Variants in ABCB4 observed in about 807,000 individuals in gnomAD.
The protein encoded by ABCB4 is phosphatidylcholine translocator ABCB4.
In ABCB4, 76 loss-of-function variants were observed where a neutral mutation model predicts 145.7. The ratio of observed to expected loss-of-function variants is 0.52; its 90% CI spans 0.43 to 0.63. The LOEUF (loss-of-function observed/expected upper bound fraction) is 0.63. Ranked by LOEUF, ABCB4 falls within the 30% of genes least tolerant of loss-of-function variation. The pLI is 0.00. For synonymous variants in ABCB4, 517 were observed against 566.8 expected (o/e 0.91, Z 1.25); for missense variants, 1,234 against 1,553.1 (o/e 0.79, Z 3.45).
At chr7:87,402,333 CA>C in intron 27 of ABCB4, 31 bp from the exon 28 acceptor site, 1 of 1,612,228 alleles carries the variant, frequency 6.2e-7, no homozygotes. Context: ...CACCTTATCC[CA>C]AAAATTGTAT....
chr7:87,424,153 A>G (rs1809649283), intron 16 of ABCB4, 101 bp from the exon 17 acceptor site: 12 of 1,420,226 alleles, frequency 8.4e-6, no homozygotes, highest in Non-Finnish European at 1.2e-5. Context: ...GGGACTCGCA[A>G]ACTAGGTGCA....
Position 87,465,876 on chromosome 7 carries a change from C to T in ABCB4, c.136-2968G>A, listed in dbSNP as rs184348125. 4.1e-3 allele frequency among the ~76,000 whole-genome samples: 625 copies of T among 152,240 alleles called. 3 individuals carry two copies. The highest frequency in any genetic ancestry group is 0.014 in the African/African-American group (593 of 41,540). ...AAGGAAAACTAACAAACAGAAAGGA[C>T]ATCCACGCCAAAACCCATCTGTACG... is the stretch of plus-strand genomic sequence containing the variant. On this transcript the variant is annotated intron_variant, in intron 3 of 27. Transcript: ENST00000649586.
chr7:87,452,796 G>T, intron 6 of ABCB4, 148 bp downstream of exon 6: 1 of 919,946 alleles, frequency 1.1e-6, no homozygotes, highest in Non-Finnish European at 1.7e-6. Flanking sequence ...GGCTATAGAT[G>T]CTGCTAGACA....
the ABCB4 span, chr7:87,392,484 C>T: frequency 1.9e-6 from 2 of 1,045,478 alleles, no homozygotes; most frequent in Non-Finnish European, 1.5e-6. Flanking sequence ...TACCCCAATC[C>T]TAATTACAAT....
intron 3 of ABCB4, among the ~76,000 whole-genome samples, chr7:87,471,339 A>C (rs1407423818): frequency 6.6e-6 from 1 of 152,322 alleles, no homozygotes; most frequent in African/African-American, 2.4e-5. Flanking sequence ...CGTTATGCAC[A>C]TGTACCCTAG....
At chr7:87,421,623 C>T (rs1809444839) in intron 18 of ABCB4, among the ~76,000 whole-genome samples, 1 of 152,080 alleles carries the variant, frequency 6.6e-6, no homozygotes, top group Non-Finnish European at 1.5e-5. Flanking sequence ...GTTAAAGAGA[C>T]AAAAGAAATT....
intron 4 of ABCB4, among the ~76,000 whole-genome samples, chr7:87,459,634 C>T (rs985290856): frequency 2.0e-5 from 3 of 151,630 alleles, no homozygotes; most frequent in Non-Finnish European, 4.4e-5. Flanking sequence ...GTGTATACGT[C>T]AACAGTTACA....
In ABCB4 at chr7:87,472,781, T is replaced by C; in HGVS notation, c.81-106A>G. 4 of 851,400 alleles carry C rather than the reference T, an allele frequency of 4.7e-6. No homozygotes were observed. The South Asian group carries it at 6.3e-5, about 13-fold the overall frequency. The allele number at this position is 851,400 out of a possible 1,614,324, so 52.7% of individuals were successfully genotyped here. ...AATATTCAACTATTATATTTTCAAA[T>C]ATAAGAGTGATGTTCACAAAATGTC... On this transcript the variant is annotated intron_variant, in intron 2 of 27. Coordinates refer to ENST00000649586, the MANE Select transcript of ABCB4 (RefSeq NM_000443.4).
chr7:87,440,599 G>A (rs1272460894), intron 12 of ABCB4, among the ~76,000 whole-genome samples, 197 bp from the exon 13 acceptor site: 2 of 151,994 alleles, frequency 1.3e-5, no homozygotes, highest in Non-Finnish European at 2.9e-5. Flanking sequence ...CATATATACA[G>A]TTTTTTCGTG....
chr7:87,427,021 A>C, intron 15 of ABCB4, 101 bp from the exon 16 acceptor site: 2 of 1,060,218 alleles, frequency 1.9e-6, no homozygotes, highest in Non-Finnish European at 2.8e-6. Context: ...ATCATAAAGC[A>C]ATTTGGAATA....
Position 87,444,955 on chromosome 7 carries a change from A to T in ABCB4, c.1026T>A (p.Ile342=), listed in dbSNP as rs747874356. The T allele has an allele frequency of 6.2e-7, 1 of 1,604,056 alleles. No homozygotes were observed. The highest frequency in any genetic ancestry group is 8.5e-7 in the Non-Finnish European group (1 of 1,179,344). The change falls in exon 10 of 28, where the codon ATT becomes ATA. Residue 342 remains isoleucine (I), a synonymous_variant. Transcript: ENST00000649586. ...CAGCCTGGCCAACACTGAAAGCTCC[A>T]ATTAGGATTGAAAAAAAAACCTGAG... ...NAMTVFFSIL[I]GAFSVGQAAP...
At chr7:87,380,570 G>A in the ABCB4 span, among the ~76,000 whole-genome samples, 334 of 152,258 alleles carry the variant, frequency 2.2e-3, no homozygotes, top group African/African-American at 7.6e-3. Flanking sequence ...TAAACACTAT[G>A]TAAATACATA....
At chr7:87,433,677 T>G (rs1456770998) in intron 14 of ABCB4, among the ~76,000 whole-genome samples, 2 of 145,844 alleles carry the variant, frequency 1.4e-5, no homozygotes, top group African/African-American at 2.5e-5. Context: ...TTGTTGTTGT[T>G]TTTTTTTTTT....
the ABCB4 span, among the ~76,000 whole-genome samples, chr7:87,387,931 G>A: frequency 1.1e-4 from 16 of 152,290 alleles, no homozygotes; most frequent in South Asian, 1.7e-3. Flanking sequence ...CAGCCTGGGC[G>A]ACAGAGCAAG....
chr7:87,395,089 T>A, the ABCB4 span, among the ~76,000 whole-genome samples: 2 of 152,096 alleles, frequency 1.3e-5, no homozygotes, highest in African/African-American at 2.4e-5. Flanking sequence ...AAGAAGTATG[T>A]AAGAAGCATT....
intron 3 of ABCB4, among the ~76,000 whole-genome samples, chr7:87,469,814 A>G (rs1349570066): frequency 6.6e-6 from 1 of 152,230 alleles, no homozygotes; most frequent in African/African-American, 2.4e-5. Flanking sequence ...TATAGATTCA[A>G]TGCCATCCCC....
rs1813763030 is a variant in ABCB4, at chr7:87,475,654, G to A, written c.-27C>T. The A allele has an allele frequency of 1.6e-6, 1 of 641,774 alleles. No homozygotes were observed. Among genetic ancestry groups the A allele is most frequent in the Non-Finnish European group, 2.8e-6 (1 of 363,310 alleles). The allele number at this position is 641,774 out of a possible 1,614,324, so 39.8% of individuals were successfully genotyped here. On this transcript the variant is annotated 5_prime_UTR_variant, in exon 1 of 28. Coordinates refer to ENST00000649586, the MANE Select transcript of ABCB4 (RefSeq NM_000443.4). ...CTCACCTCGAACCTCGCGCGTGTCT[G>A]GCAGGGCCTCTGGACGCGCGGGCGC...
the ABCB4 span, chr7:87,392,528 C>CT: frequency 2.1e-5 from 32 of 1,531,778 alleles, no homozygotes; most frequent in Admixed American, 6.8e-5. Flanking sequence ...GGGTTTTGCA[C>CT]AGTGTGTTAT....
the ABCB4 span, among the ~76,000 whole-genome samples, chr7:87,373,040 G>A: frequency 1.3e-5 from 2 of 152,030 alleles, no homozygotes; most frequent in African/African-American, 4.8e-5. Context: ...TTTAACTATT[G>A]AGAAACTACC....
Sources: allele counts gnomAD v4.1 joint callset (sites outside exome capture counted in the v4.1 genomes callset), GRCh38; gene constraint gnomAD v4.1.1; transcripts MANE v1.5; gene names NCBI Gene and HGNC (gene_info 2026-07-23, HGNC 2026-07-21).